The following TCF4 variants were observed in gnomAD, a reference collection of about 807,000 sequenced individuals.
TCF4 encodes the protein SL3-3 enhancer factor 2.
In TCF4, 3 loss-of-function variants were observed where a neutral mutation model predicts 82.1. The ratio of observed to expected loss-of-function variants is 0.04; its 90% CI spans 0.02 to 0.09. The LOEUF (loss-of-function observed/expected upper bound fraction) is 0.09, where lower values mean the gene tolerates loss of function less well. Ranked by LOEUF, TCF4 falls within the 10% of genes least tolerant of loss-of-function variation. TCF4 has a pLI of 1.00. For synonymous variants in TCF4, 276 were observed against 309.6 expected (o/e 0.89, Z 1.14); for missense variants, 518 against 852.7 (o/e 0.61, Z 4.89).
chr18:55,588,279 C>T, upstream of TCF4: 2 of 1,440,494 alleles, frequency 1.4e-6, no homozygotes. Flanking sequence ...GAGGGGGAAA[C>T]ACGCCGAGGC....
At chr18:55,571,105 A>C (rs1284253725) in intron 3 of TCF4, among the ~76,000 whole-genome samples, 2 of 152,174 alleles carry the variant, frequency 1.3e-5, no homozygotes, top group Non-Finnish European at 2.9e-5. Flanking sequence ...CCCACAGAGA[A>C]AGTCTTACAC....
chr18:55,547,615 T>C (rs2097217935), intron 3 of TCF4, among the ~76,000 whole-genome samples: 1 of 152,204 alleles, frequency 6.6e-6, no homozygotes, highest in Non-Finnish European at 1.5e-5. Context: ...CACACTTTCC[T>C]AATAAAGCCT....
At chr18:55,397,863 ATAT>A (rs1292249638) in intron 6 of TCF4, among the ~76,000 whole-genome samples, 1 of 152,220 alleles carries the variant, frequency 6.6e-6, no homozygotes, top group African/African-American at 2.4e-5. Context: ...ATTCTTATAC[ATAT>A]TATACATACA....
intron 15 of TCF4, among the ~76,000 whole-genome samples, chr18:55,239,371 G>A (rs139564051): frequency 4.6e-5 from 7 of 152,200 alleles, no homozygotes; most frequent in African/African-American, 1.2e-4. Flanking sequence ...TCCAACTTTC[G>A]ATGCTTAGTT....
chr18:55,365,178 T>TATATATATAC (rs2086574514), intron 6 of TCF4, among the ~76,000 whole-genome samples: 2 of 130,128 alleles, frequency 1.5e-5, no homozygotes, highest in East Asian at 4.3e-4. Flanking sequence ...TATATATATA[T>TATATATATAC]ATATATATAT....
chr18:55,608,602 A>C (rs1169279711), intron 2 of TCF4, among the ~76,000 whole-genome samples: 2 of 152,154 alleles, frequency 1.3e-5, no homozygotes, highest in African/African-American at 4.8e-5. Flanking sequence ...GCATATTTTT[A>C]TAGAGCATGT....
At chr18:55,299,925 T>C (rs917261866) in intron 8 of TCF4, among the ~76,000 whole-genome samples, 2 of 152,122 alleles carry the variant, frequency 1.3e-5, no homozygotes, top group Admixed American at 1.3e-4. Context: ...TGAAGGGAAA[T>C]GCTCATAGAG....
chr18:55,546,616 A>G (rs2097209547), intron 3 of TCF4, among the ~76,000 whole-genome samples: 1 of 152,216 alleles, frequency 6.6e-6, no homozygotes, highest in African/African-American at 2.4e-5. Flanking sequence ...TGGAGAAGAT[A>G]TAAAGAAGGA....
chr18:55,395,372 A>C (rs1221025306), intron 6 of TCF4, among the ~76,000 whole-genome samples: 1 of 152,238 alleles, frequency 6.6e-6, no homozygotes, highest in Non-Finnish European at 1.5e-5. Flanking sequence ...AGCTATTTTA[A>C]AAACGCTTAA....
intron 8 of TCF4, among the ~76,000 whole-genome samples, chr18:55,314,346 T>C (rs1210012924): frequency 6.6e-6 from 1 of 152,120 alleles, no homozygotes; most frequent in Non-Finnish European, 1.5e-5. Flanking sequence ...CAGTTTAGCT[T>C]AATAATGCCA....
chr18:55,294,954 C>A (rs1302745270), intron 8 of TCF4, among the ~76,000 whole-genome samples: 1 of 152,140 alleles, frequency 6.6e-6, no homozygotes, highest in Non-Finnish European at 1.5e-5. Context: ...ATCTTCCTCC[C>A]AAAATTCGGA....
At chr18:55,487,955 A>C (rs1211334741) in intron 3 of TCF4, among the ~76,000 whole-genome samples, 1 of 152,212 alleles carries the variant, frequency 6.6e-6, no homozygotes, top group Non-Finnish European at 1.5e-5. Flanking sequence ...CCCCTGTTAA[A>C]GCCACAAATA....
At chr18:55,328,891 G>C (rs2077034008) in intron 8 of TCF4, among the ~76,000 whole-genome samples, 1 of 152,040 alleles carries the variant, frequency 6.6e-6, no homozygotes, top group South Asian at 2.1e-4. Context: ...TAATTATCTA[G>C]GGTTTATTAA....
chr18:55,290,628 CTCT>C (rs2064835771), intron 8 of TCF4, among the ~76,000 whole-genome samples: 1 of 152,292 alleles, frequency 6.6e-6, no homozygotes, highest in African/African-American at 2.4e-5. Context: ...CCTAAAGGCG[CTCT>C]TCTTATTTCT....
chr18:55,542,914 A>G (rs1419007463), intron 3 of TCF4, among the ~76,000 whole-genome samples: 1 of 152,094 alleles, frequency 6.6e-6, no homozygotes, highest in East Asian at 1.9e-4. Context: ...TCAGTTGGGA[A>G]CACCCATTTG....
At chr18:55,260,120 G>T in intron 12 of TCF4, 93 bp from the exon 13 acceptor site, 1 of 934,836 alleles carries the variant, frequency 1.1e-6, no homozygotes, top group South Asian at 1.4e-5. Context: ...AATTCATTTA[G>T]AACTTACAAG....
At chr18:55,472,640 A>G (rs891454359) in intron 3 of TCF4, among the ~76,000 whole-genome samples, 4 of 152,194 alleles carry the variant, frequency 2.6e-5, no homozygotes, top group African/African-American at 9.6e-5. Flanking sequence ...ATCTAAAAGC[A>G]CTTAAAAATC....
chr18:55,477,489 G>C (rs143264374), intron 3 of TCF4, among the ~76,000 whole-genome samples: 2,689 of 152,256 alleles, frequency 0.018, 39 homozygotes, highest in Middle Eastern at 0.041. Context: ...AGCTAGCAAC[G>C]TACATTTTTA....
At chr18:55,273,392 G>A (rs116419232) in intron 10 of TCF4, among the ~76,000 whole-genome samples, 64 of 152,192 alleles carry the variant, frequency 4.2e-4, no homozygotes, top group African/African-American at 1.4e-3. Flanking sequence ...CCTTTGTTCA[G>A]TATGGGGCTA....
Sources: gnomAD v4.1 joint callset for allele counts (sites outside exome capture counted in the v4.1 genomes callset) on GRCh38, gnomAD v4.1.1 for gene constraint, MANE v1.5 for transcripts, NCBI Gene and HGNC (gene_info 2026-07-23, HGNC 2026-07-21) for gene names.